SHC3: variants seen among roughly 807,000 people sequenced by gnomAD.
SHC3 encodes SHC adaptor protein 3.
Under a neutral mutation model 60.4 loss-of-function variants are expected in SHC3, and 15 were observed. The observed-to-expected ratio is 0.25, with a 90% CI of 0.17 to 0.38. The LOEUF is 0.38. SHC3 is among the 10% of genes least tolerant of loss of function. The probability of loss-of-function intolerance (pLI) is 1.00; values close to 1 mark genes in which losing one functional copy is unlikely to be tolerated. For synonymous variants in SHC3, 294 were observed against 325.9 expected, an observed-to-expected ratio of 0.90 and a Z score of 1.05; for missense variants, 677 against 786.1, an observed-to-expected ratio of 0.86 and a Z score of 1.66.
chr9:89,050,178 T>C (rs1006283011), intron 7 of SHC3, among the ~76,000 whole-genome samples: 2 of 152,040 alleles, frequency 1.3e-5, no homozygotes, highest in Non-Finnish European at 2.9e-5. Flanking sequence ...GTGTAGGGGG[T>C]ATATGCTTGA....
chr9:89,111,397 C>T (rs1825945128), intron 2 of SHC3, among the ~76,000 whole-genome samples: 1 of 152,080 alleles, frequency 6.6e-6, no homozygotes. Flanking sequence ...GAATAAATGA[C>T]TGACTAAGAA....
intron 9 of SHC3, among the ~76,000 whole-genome samples, chr9:89,044,467 G>C (rs531174234): frequency 8.5e-5 from 13 of 152,280 alleles, no homozygotes; most frequent in Admixed American, 3.3e-4. Flanking sequence ...TATAATGAAG[G>C]AATAAGCCTC....
At chr9:89,137,417 T>G (rs776618227) in intron 1 of SHC3, among the ~76,000 whole-genome samples, 4 of 152,162 alleles carry the variant, frequency 2.6e-5, no homozygotes, top group Non-Finnish European at 5.9e-5. Flanking sequence ...CAATAAGCCT[T>G]AGATACACAA....
chr9:89,177,968 G>T lies in SHC3; in HGVS notation c.474+19C>A, dbSNP rs1051759829. On this transcript the variant is annotated intron_variant, in intron 1 of 11. Transcript: ENST00000375835. ...CCCCAGAACCCCCAGCCCCCAGGGC[G>T]GCCCGCGCCCGCACCCACCTTGACC... The T allele has an allele frequency of 3.3e-6, 4 of 1,214,544 alleles. No individual in the cohort carries two copies. Among genetic ancestry groups the T allele is most frequent in the Non-Finnish European group, 4.1e-6 (4 of 976,836 alleles). 75.2% of individuals were successfully genotyped at this position (1,214,544 alleles called of 1,614,324 possible).
At chr9:89,021,420 C>T (rs560417911) in intron 11 of SHC3, among the ~76,000 whole-genome samples, 1 of 152,298 alleles carries the variant, frequency 6.6e-6, no homozygotes, top group South Asian at 2.1e-4. Flanking sequence ...ACAGCCATGA[C>T]CTCAGTGACC....
rs756796666 is a variant in SHC3, at chr9:89,042,113, C to T, written c.1273G>A (p.Val425Ile). 60 of 1,586,586 alleles carry T rather than the reference C, an allele frequency of 3.8e-5. No homozygotes were observed. Among genetic ancestry groups the T allele is most frequent in the Non-Finnish European group, 4.8e-5 (56 of 1,171,772 alleles). ...TGTGGTGGGATCTGCTGAGTGTTGA[C>T]GTAGGTGGGTGCTTCTCCCGTGGGG... ...VAPTGEAPTYVNTQQIPPQAW... is the reference protein window; with the variant it reads ...VAPTGEAPTYINTQQIPPQAW... Residue 425 changes from valine (V) to isoleucine (I), a missense_variant, in exon 10 of 12, where the codon GTC (valine) becomes ATC (isoleucine). By Grantham distance (29) the Val-to-Ile change is conservative. Coordinates refer to ENST00000375835, the MANE Select transcript of SHC3 (RefSeq NM_016848.6).
chr9:89,097,014 G>C (rs1344791031), intron 2 of SHC3, among the ~76,000 whole-genome samples: 4 of 151,444 alleles, frequency 2.6e-5, no homozygotes. Flanking sequence ...GGGCGCTGCA[G>C]ACACCAGGTC....
intron 2 of SHC3, among the ~76,000 whole-genome samples, chr9:89,080,314 C>T (rs1825423713): frequency 6.6e-6 from 1 of 152,148 alleles, no homozygotes; most frequent in South Asian, 2.1e-4. Flanking sequence ...CAAATCAAGA[C>T]CTCAGAACTC....
chr9:89,035,626 A>G (rs1273162084), intron 11 of SHC3, among the ~76,000 whole-genome samples: 1 of 152,006 alleles, frequency 6.6e-6, no homozygotes, highest in African/African-American at 2.4e-5. Context: ...GTAAATGGTG[A>G]CAGAAAAACT....
intron 2 of SHC3, among the ~76,000 whole-genome samples, chr9:89,093,047 C>T (rs1303834115): frequency 2.0e-5 from 3 of 152,152 alleles, no homozygotes. Context: ...ACAAAGAATG[C>T]TTCTATGAAC....
chr9:89,173,500 TTATC>T (rs1382208983), intron 1 of SHC3, among the ~76,000 whole-genome samples: 2 of 152,248 alleles, frequency 1.3e-5, no homozygotes, highest in African/African-American at 4.8e-5. Flanking sequence ...TTGTCGTAGC[TTATC>T]TTTTTCTTAA....
intron 2 of SHC3, among the ~76,000 whole-genome samples, chr9:89,105,066 C>A (rs1468925975): frequency 6.6e-6 from 1 of 152,174 alleles, no homozygotes; most frequent in Non-Finnish European, 1.5e-5. Flanking sequence ...CAGCCGACTG[C>A]AAGTGCCTCT....
chr9:89,033,247 CTTT>C (rs1824520866), intron 11 of SHC3, among the ~76,000 whole-genome samples: 1 of 152,056 alleles, frequency 6.6e-6, no homozygotes, highest in African/African-American at 2.4e-5. Context: ...GTACACAGCT[CTTT>C]TTTAAGTCAT....
intron 1 of SHC3, among the ~76,000 whole-genome samples, chr9:89,130,528 C>T (rs1055402186): frequency 1.1e-4 from 16 of 152,174 alleles, no homozygotes; most frequent in East Asian, 1.9e-4. Context: ...AAGCACTCCT[C>T]GGCAAATGTA....
At chr9:89,064,139 A>G (rs1825136582) in intron 6 of SHC3, among the ~76,000 whole-genome samples, 1 of 152,178 alleles carries the variant, frequency 6.6e-6, no homozygotes, top group African/African-American at 2.4e-5. Flanking sequence ...TCATGACCTA[A>G]TGACCTCCCA....
chr9:89,114,793 A>G (rs1825998722), intron 1 of SHC3, among the ~76,000 whole-genome samples: 1 of 152,180 alleles, frequency 6.6e-6, no homozygotes, highest in Admixed American at 6.5e-5. Context: ...ATTGTTGCAG[A>G]GTTATGATTT....
intron 1 of SHC3, among the ~76,000 whole-genome samples, chr9:89,157,971 G>A (rs546316996): frequency 1.2e-4 from 18 of 151,688 alleles, no homozygotes; most frequent in South Asian, 2.1e-4. Context: ...CTGATTGTGC[G>A]TTCATTGATT....
chr9:89,042,705 C>T (rs1564094981), intron 9 of SHC3, among the ~76,000 whole-genome samples: 1 of 152,230 alleles, frequency 6.6e-6, no homozygotes, highest in Non-Finnish European at 1.5e-5. Context: ...GCTGCAGTTA[C>T]TGCCCCTGGG....
At chr9:89,096,526 G>C (rs1340015319) in intron 2 of SHC3, among the ~76,000 whole-genome samples, 1 of 152,212 alleles carries the variant, frequency 6.6e-6, no homozygotes, top group East Asian at 1.9e-4. Flanking sequence ...AAGGGCACGA[G>C]ATTTTTGTAT....
Sources: gnomAD v4.1 joint callset for allele counts (sites outside exome capture counted in the v4.1 genomes callset) on GRCh38, gnomAD v4.1.1 for gene constraint, MANE v1.5 for transcripts, NCBI Gene and HGNC (gene_info 2026-07-23, HGNC 2026-07-21) for gene names.